UNC79: variants seen among roughly 807,000 people sequenced by gnomAD.
UNC79 encodes the protein unc-79 subunit of NALCN channel complex.
UNC79 carries 37 observed loss-of-function variants against 283.1 expected under a neutral mutation model. The ratio of observed to expected loss-of-function variants is 0.13; its 90% CI spans 0.10 to 0.17. The LOEUF (loss-of-function observed/expected upper bound fraction) is 0.17. Ranked by LOEUF, UNC79 falls within the 10% of genes least tolerant of loss-of-function variation. UNC79 has a pLI of 1.00. For missense variants in UNC79, 2,272 were observed against 3,211.1 expected (o/e 0.71, Z 7.07); for synonymous variants, 1,107 against 1,200.2 (o/e 0.92, Z 1.61).
intron 43 of UNC79, 104 bp downstream of exon 46, chr14:93,686,765 C>A: frequency 7.9e-7 from 1 of 1,272,134 alleles, no homozygotes; most frequent in Non-Finnish European, 1.1e-6. Context: ...GGGAGGCAGC[C>A]GTGGCACTGT....
At chr14:93,589,745 T>G (rs186352833) in intron 22 of UNC79, among the ~76,000 whole-genome samples, 1 of 152,216 alleles carries the variant, frequency 6.6e-6, no homozygotes, top group East Asian at 1.9e-4. Flanking sequence ...GAGTCCAGAC[T>G]CATTGAGACT....
At chr14:93,551,872 T>A (rs1174951757) in intron 14 of UNC79, among the ~76,000 whole-genome samples, 7 of 152,186 alleles carry the variant, frequency 4.6e-5, no homozygotes, top group Non-Finnish European at 2.9e-5. Flanking sequence ...GAAGCTATAC[T>A]GAACAGCTAT....
intron 1 of UNC79, among the ~76,000 whole-genome samples, chr14:93,416,479 GA>G (rs1164765331): frequency 1.4e-4 from 22 of 152,030 alleles, no homozygotes; most frequent in African/African-American, 5.1e-4. Flanking sequence ...GTGTGGTGCT[GA>G]AAAAAATGTA....
At position 93,348,273 on chromosome 14, in the gene UNC79, G is replaced by T. The variant is rs552449408; in HGVS notation, c.-351+14750G>T. The stretch of plus-strand genomic sequence containing the variant: ...ATGATGAATATTTTGCACTTTTTTA[G>T]TACTGTGCATTATATAGATGTATAG... On this transcript the variant is annotated intron_variant, in intron 1 of 49. Coordinates refer to the UNC79 transcript ENST00000256339. The T allele has an allele frequency of 1.2e-4, 73 of 606,532 alleles. 1 individual carries two copies. The South Asian group carries it at 1.4e-3, about 11-fold the overall frequency. 37.6% of individuals were successfully genotyped at this position (606,532 alleles called of 1,614,324 possible).
In UNC79 at chr14:93,617,174, A is replaced by G; in HGVS notation, c.4094A>G (p.Gln1365Arg). ...AAACACCTTCTCCCCTTAGTGGTTC[A>G]GGTGCTCAAATACTGCTCTTGTCCT... The change falls in exon 28 of 49, where the codon CAG (glutamine) becomes CGG (arginine). Residue 1365 changes from glutamine to arginine, a missense_variant. Gln to Arg is a conservative substitution (Grantham distance 43). Transcript: ENST00000555664. This position sits in a 1 kb window ranked among gnomAD's most constrained non-coding sequence, Gnocchi z 4.5. 1 of 1,614,148 alleles carries G rather than the reference A, an allele frequency of 6.2e-7. No homozygotes were observed. Among genetic ancestry groups the G allele is most frequent in the African/African-American group, 1.3e-5 (1 of 75,046 alleles).
intron 27 of UNC79, among the ~76,000 whole-genome samples, chr14:93,613,389 A>G (rs1373854819): frequency 6.6e-6 from 1 of 151,640 alleles, no homozygotes; most frequent in Non-Finnish European, 1.5e-5. Flanking sequence ...TTGATATGAT[A>G]GTTACATAAT....
At chr14:93,639,128 A>C (rs2068784794) in intron 32 of UNC79, among the ~76,000 whole-genome samples, 1 of 152,192 alleles carries the variant, frequency 6.6e-6, no homozygotes, top group African/African-American at 2.4e-5. Flanking sequence ...CTTGACTTTA[A>C]TTGTGATTAC....
At chr14:93,562,945 G>A (rs1040043635) in intron 14 of UNC79, among the ~76,000 whole-genome samples, 2 of 152,168 alleles carry the variant, frequency 1.3e-5, no homozygotes, top group Non-Finnish European at 2.9e-5. Context: ...ATCCCTGAGG[G>A]GTAGTAGAAT....
At chr14:93,696,672 C>T (rs2075151920) in intron 47 of UNC79, among the ~76,000 whole-genome samples, 1 of 151,586 alleles carries the variant, frequency 6.6e-6, no homozygotes, top group Admixed American at 6.6e-5. Context: ...TGGGTTTTTT[C>T]CTGATTACTG....
chr14:93,672,706 A>G (rs1479688683), intron 40 of UNC79, among the ~76,000 whole-genome samples: 16 of 152,260 alleles, frequency 1.1e-4, no homozygotes, highest in Non-Finnish European at 1.5e-5. Context: ...ACTCAAGATG[A>G]TGAATAACCT....
intron 31 of UNC79, among the ~76,000 whole-genome samples, chr14:93,633,981 C>T (rs968941648): frequency 2.6e-5 from 4 of 152,090 alleles, no homozygotes; most frequent in Non-Finnish European, 5.9e-5. Flanking sequence ...CAGTTGCTGA[C>T]TGGTTCCAAG....
At chr14:93,491,762 T>C (rs1023191935) in intron 5 of UNC79, among the ~76,000 whole-genome samples, 1 of 152,332 alleles carries the variant, frequency 6.6e-6, no homozygotes, top group Admixed American at 6.5e-5. Context: ...TTGAGTTGAA[T>C]GTTTCACTGG....
At chr14:93,475,919 G>A (rs929485769) in intron 3 of UNC79, among the ~76,000 whole-genome samples, 2 of 152,122 alleles carry the variant, frequency 1.3e-5, no homozygotes, top group Non-Finnish European at 2.9e-5. Context: ...TTTAGCTATC[G>A]TGTTCTTGTT....
At chr14:93,509,225 G>T (rs2059697157) in intron 7 of UNC79, among the ~76,000 whole-genome samples, 2 of 152,026 alleles carry the variant, frequency 1.3e-5, no homozygotes, top group Non-Finnish European at 2.9e-5. Context: ...CCCTCACCAG[G>T]CCCCTCCTCC....
At chr14:93,425,643 A>G (rs563622100), upstream of UNC79, among the ~76,000 whole-genome samples, 1 of 152,326 alleles carries the variant, frequency 6.6e-6, no homozygotes, top group South Asian at 2.1e-4. Context: ...GAAGAGTTTA[A>G]TAAATGGGTA....
At chr14:93,607,940 C>A (rs762636813) in intron 26 of UNC79, among the ~76,000 whole-genome samples, 2 of 152,174 alleles carry the variant, frequency 1.3e-5, no homozygotes, top group Non-Finnish European at 2.9e-5. Context: ...CATTAAGATC[C>A]AGTAAGTCAG....
Position 93,346,981 on chromosome 14 carries a change from T to C in UNC79, c.-351+13458T>C, listed in dbSNP as rs1367077260. ...AGAGTGGAGCAGAGCAGGGGTGTGC[T>C]GGGTGGAAGGGGTGGTGCAGAGCAA... On this transcript the variant is annotated intron_variant, in intron 1 of 49. Transcript: ENST00000256339. Among the ~76,000 whole-genome samples the C allele has an allele frequency of 3.7e-5, 5 of 136,256 alleles. No homozygotes were observed. The East Asian group carries it at 8.5e-4, about 23-fold the overall frequency. 89.4% of individuals were successfully genotyped at this position (136,256 alleles called of 152,430 possible).
chr14:93,579,021 G>T (rs904998347), intron 18 of UNC79, among the ~76,000 whole-genome samples: 1 of 151,864 alleles, frequency 6.6e-6, no homozygotes, highest in African/African-American at 2.4e-5. Flanking sequence ...TACTTATGGG[G>T]CCTTGACATT....
At chr14:93,695,576 A>G (rs1056802179) in intron 47 of UNC79, among the ~76,000 whole-genome samples, 2 of 152,150 alleles carry the variant, frequency 1.3e-5, no homozygotes, top group African/African-American at 4.8e-5. Context: ...GATCAAGACA[A>G]TGAACATATC....
Sources: gnomAD v4.1 joint callset for allele counts (sites outside exome capture counted in the v4.1 genomes callset) on GRCh38, gnomAD v4.1.1 for gene constraint, Gnocchi (gnomAD v3.1) non-coding constraint, MANE v1.5 for transcripts, NCBI Gene and HGNC (gene_info 2026-07-23, HGNC 2026-07-21) for gene names.